The following SH3BP5 variants were observed in gnomAD, a reference collection of about 807,000 sequenced individuals.
The protein encoded by SH3BP5 is SH3 domain-binding protein 5.
Under a neutral mutation model 43.3 loss-of-function variants are expected in SH3BP5, and 22 were observed. That is an observed-to-expected ratio of 0.51 (90% CI 0.36 to 0.73). The LOEUF (loss-of-function observed/expected upper bound fraction) is 0.73. SH3BP5 is among the 30% of genes least tolerant of loss of function. The probability of loss-of-function intolerance (pLI) is 0.00; values close to 1 mark genes in which losing one functional copy is unlikely to be tolerated. For missense variants in SH3BP5, 529 were observed against 586.9 expected, an observed-to-expected ratio of 0.90 and a Z score of 1.02; for synonymous variants, 255 against 225.8, an observed-to-expected ratio of 1.13 and a Z score of -1.16.
chr3:15,279,434 T>A (rs1347337193), intron 3 of SH3BP5, among the ~76,000 whole-genome samples: 1 of 152,154 alleles, frequency 6.6e-6, no homozygotes, highest in African/African-American at 2.4e-5. Flanking sequence ...CCCTTTAATA[T>A]GTCGGAGCAG....
At chr3:15,336,762 A>G (rs918346529), upstream of SH3BP5, among the ~76,000 whole-genome samples, 1 of 152,144 alleles carries the variant, frequency 6.6e-6, no homozygotes, top group Non-Finnish European at 1.5e-5. Context: ...TCTCCAAATC[A>G]TTCCCATCTT....
chr3:15,265,512 TCACACACACACACACACACACA>T (rs368955496), intron 4 of SH3BP5, among the ~76,000 whole-genome samples: 8,032 of 107,986 alleles, frequency 0.074, 278 homozygotes, highest in East Asian at 0.12. Flanking sequence ...CGAGACTCCG[TCACACACACACACACACACACA>T]CACACACACA....
intron 3 of SH3BP5, among the ~76,000 whole-genome samples, chr3:15,302,812 CT>C (rs140719216): frequency 4.4e-4 from 64 of 146,282 alleles, no homozygotes; most frequent in Middle Eastern, 3.6e-3. Flanking sequence ...TTTTTTCTTT[CT>C]TTTTTTTTTT....
rs141368124 is a variant in SH3BP5, at chr3:15,262,010, G to C, written c.626+149C>G. ...GGTCATAGAATATTAGGGGGAAAGA[G>C]AGCCTGAGCAGGGGGGCTCTGGTGA... On this transcript the variant is annotated intron_variant, in intron 5 of 8. Transcript: ENST00000383791. 1.5e-4 allele frequency: 119 copies of C among 797,388 alleles called. No homozygotes were observed. In the African/African-American group the frequency reaches 1.8e-3, roughly 12 times the overall value. The allele number at this position is 797,388 out of a possible 1,614,324, so 49.4% of individuals were successfully genotyped here.
upstream of SH3BP5, among the ~76,000 whole-genome samples, chr3:15,334,569 G>GA (rs142717483): frequency 0.18 from 25,843 of 142,964 alleles, 2,314 homozygotes; most frequent in South Asian, 0.33. Flanking sequence ...TTGCTCTCTA[G>GA]AAAAAAAAAA....
At chr3:15,300,240 T>C (rs1697697905) in intron 3 of SH3BP5, among the ~76,000 whole-genome samples, 1 of 152,212 alleles carries the variant, frequency 6.6e-6, no homozygotes, top group Non-Finnish European at 1.5e-5. Flanking sequence ...TAAATTCTAA[T>C]TTTTTAATGA....
rs1248392803 is a variant in SH3BP5, at chr3:15,296,878, AAAG to A, written c.330+7222_330+7224del. On this transcript the variant is annotated intron_variant, in intron 3 of 8. Transcript: ENST00000383791. ...CTGGCTTCTTAAAAAAAAAAAAAAA[AAAG>A]AAATGGTGTCTCACCATGTTGCCCA... Among the ~76,000 whole-genome samples the A allele has an allele frequency of 7.6e-4, 106 of 139,258 alleles. 2 individuals carry two copies. Among genetic ancestry groups the A allele is most frequent in the African/African-American group, 3.5e-3 (105 of 29,850 alleles). 91.4% of individuals were successfully genotyped at this position (139,258 alleles called of 152,430 possible).
chr3:15,331,422 T>TA (rs1406010236), intron 1 of SH3BP5, among the ~76,000 whole-genome samples: 284 of 152,212 alleles, frequency 1.9e-3, no homozygotes, highest in Middle Eastern at 0.01. Context: ...AGCAATTTTT[T>TA]TAAAAAAATG....
At chr3:15,259,291 A>G (rs1331245358) in intron 6 of SH3BP5, 3 of 584,576 alleles carry the variant, frequency 5.1e-6, no homozygotes, top group Non-Finnish European at 9.1e-6. Flanking sequence ...CACTGGTGGA[A>G]CAAACCCCAT....
At chr3:15,268,878 G>A (rs1050013152) in intron 4 of SH3BP5, among the ~76,000 whole-genome samples, 9 of 152,050 alleles carry the variant, frequency 5.9e-5, no homozygotes, top group Non-Finnish European at 8.8e-5. Flanking sequence ...CCCTTCCACC[G>A]TGTTAGGACA....
At chr3:15,265,512 T>TCTCACTCACTCACACA (rs1318765546) in intron 4 of SH3BP5, among the ~76,000 whole-genome samples, 1 of 107,988 alleles carries the variant, frequency 9.3e-6, no homozygotes, top group African/African-American at 4.1e-5. Context: ...CGAGACTCCG[T>TCTCACTCACTCACACA]CACACACACA....
At chr3:15,288,726 T>C (rs1365767002) in intron 3 of SH3BP5, among the ~76,000 whole-genome samples, 2 of 152,086 alleles carry the variant, frequency 1.3e-5, no homozygotes, top group Non-Finnish European at 2.9e-5. Flanking sequence ...GGTGACAGAA[T>C]GAGAGACCCT....
chr3:15,273,551 G>T, intron 3 of SH3BP5: 1 of 249,610 alleles, frequency 4.0e-6, no homozygotes, highest in Non-Finnish European at 6.3e-6. Context: ...CATATCACAG[G>T]TACAACTAAT....
chr3:15,295,248 A>G (rs1187518329), intron 3 of SH3BP5, among the ~76,000 whole-genome samples: 1 of 152,156 alleles, frequency 6.6e-6, no homozygotes, highest in Non-Finnish European at 1.5e-5. Context: ...GAATTTGCCT[A>G]CTTACTAAGC....
chr3:15,293,459 G>C (rs1697470542), intron 3 of SH3BP5, among the ~76,000 whole-genome samples: 1 of 152,240 alleles, frequency 6.6e-6, no homozygotes, highest in Non-Finnish European at 1.5e-5. Context: ...TGAGGGGAAA[G>C]TTCCCAAGGA....
chr3:15,326,385 C>T (rs749418434), intron 2 of SH3BP5, among the ~76,000 whole-genome samples: 31 of 152,318 alleles, frequency 2.0e-4, no homozygotes, highest in Middle Eastern at 3.4e-3. Flanking sequence ...TGCACCACAG[C>T]GTGAGAGCAC....
At chr3:15,306,585 T>C (rs533779390) in intron 2 of SH3BP5, among the ~76,000 whole-genome samples, 26 of 152,296 alleles carry the variant, frequency 1.7e-4, no homozygotes, top group African/African-American at 6.0e-4. Flanking sequence ...TCATGAGCTA[T>C]GGGCCTGGAG....
intron 3 of SH3BP5, among the ~76,000 whole-genome samples, chr3:15,270,781 C>T (rs1392942705): frequency 6.6e-6 from 1 of 151,950 alleles, no homozygotes; most frequent in East Asian, 1.9e-4. Context: ...CAAAAATTAG[C>T]CAGGCATGGT....
At position 15,259,192 on chromosome 3, in the gene SH3BP5, T is replaced by C. The variant is rs1177923739; in HGVS notation, c.670-142A>G. ...GACATGACTGAAGACCTAATTACCATTGTAACTGCTATTCATTCACCAGAC... is the reference window on the plus strand; with the variant it reads ...GACATGACTGAAGACCTAATTACCACTGTAACTGCTATTCATTCACCAGAC... On this transcript the variant is annotated intron_variant, in intron 6 of 8. Coordinates refer to ENST00000383791, the MANE Select transcript of SH3BP5 (RefSeq NM_004844.5). 3.5e-5 allele frequency: 23 copies of C among 663,458 alleles called. 1 individual carries two copies. The highest frequency in any genetic ancestry group is 3.0e-4 in the South Asian group (16 of 53,398). The allele number at this position is 663,458 out of a possible 1,614,324, so 41.1% of individuals were successfully genotyped here. A position where few individuals can be genotyped will look rare whatever the true frequency, so the allele number is the denominator to read the frequency against.
Sources: gnomAD v4.1 joint callset for allele counts (sites outside exome capture counted in the v4.1 genomes callset) on GRCh38, gnomAD v4.1.1 for gene constraint, MANE v1.5 for transcripts, NCBI Gene and HGNC (gene_info 2026-07-23, HGNC 2026-07-21) for gene names.